Variants in IDO2 observed in about 807,000 individuals in gnomAD.
IDO2 encodes the protein indoleamine 2,3-dioxygenase 2, also known as indoleamine 2,3-dioxygenase-like 1 protein.
IDO2 carries 46 observed loss-of-function variants against 45.1 expected under a neutral mutation model. That is an observed-to-expected ratio of 1.02 (90% CI 0.80 to 1.30). The LOEUF is 1.30. Among genes scored for constraint, IDO2 ranks in the 50% most tolerant of loss-of-function variants. The pLI, the probability that IDO2 is intolerant of heterozygous loss-of-function variation, is 0.00. For synonymous variants in IDO2, 218 were observed against 184.9 expected (o/e 1.18, Z -1.45); for missense variants, 544 against 491.8 (o/e 1.11, Z -1.00).
At chr8:39,958,231 T>G (rs1807933028) in intron 2 of IDO2, among the ~76,000 whole-genome samples, 1 of 151,972 alleles carries the variant, frequency 6.6e-6, no homozygotes, top group Non-Finnish European at 1.5e-5. Flanking sequence ...AGACGGAGTC[T>G]TGCTCTCTTC....
intron 6 of IDO2, 96 bp from the exon 7 acceptor site, chr8:39,987,775 A>T: frequency 2.9e-6 from 2 of 701,418 alleles, no homozygotes; most frequent in Non-Finnish European, 5.0e-6. Context: ...CAGTGATTCC[A>T]CCCTGCAGTT....
intron 1 of IDO2, among the ~76,000 whole-genome samples, chr8:39,942,205 A>C (rs1373773044): frequency 6.6e-6 from 1 of 152,242 alleles, no homozygotes; most frequent in Non-Finnish European, 1.5e-5. Flanking sequence ...TTTCTCATTA[A>C]TTCATCATGT....
intron 1 of IDO2, 145 bp from the exon 2 acceptor site, chr8:39,949,004 A>G (rs1807777386): frequency 2.0e-6 from 2 of 1,004,282 alleles, no homozygotes. Flanking sequence ...TCTCAGAGAA[A>G]GTCCATGATG....
At chr8:40,010,899 T>C (rs1802300397) in intron 9 of IDO2, among the ~76,000 whole-genome samples, 1 of 152,144 alleles carries the variant, frequency 6.6e-6, no homozygotes, top group African/African-American at 2.4e-5. Context: ...TTGTAAATAG[T>C]CAGGATATAG....
At chr8:39,951,275 A>ATTTTTTTTTTTTT (rs71220803) in intron 2 of IDO2, among the ~76,000 whole-genome samples, 1 of 136,030 alleles carries the variant, frequency 7.4e-6, no homozygotes. Flanking sequence ...GGACCCCAAG[A>ATTTTTTTTTTTTT]TTTTTTTTTT....
At chr8:40,006,263 A>C (rs1406672229) in intron 9 of IDO2, among the ~76,000 whole-genome samples, 1 of 152,238 alleles carries the variant, frequency 6.6e-6, no homozygotes, top group Non-Finnish European at 1.5e-5. Flanking sequence ...CACATTTGGT[A>C]CAGTATTTAA....
At chr8:39,971,007 AC>A (rs935783411) in intron 3 of IDO2, among the ~76,000 whole-genome samples, 1 of 151,224 alleles carries the variant, frequency 6.6e-6, no homozygotes, top group Non-Finnish European at 1.5e-5. Context: ...CTCGTGATCC[AC>A]CCCCCTTGGC....
intron 2 of IDO2, among the ~76,000 whole-genome samples, chr8:39,961,989 C>A (rs1808004973): frequency 6.6e-6 from 1 of 152,132 alleles, no homozygotes; most frequent in African/African-American, 2.4e-5. Context: ...GCTTGCTTAC[C>A]ATATGGTTTA....
chr8:40,012,616 A>T (rs1802324599), intron 9 of IDO2, among the ~76,000 whole-genome samples: 1 of 152,222 alleles, frequency 6.6e-6, no homozygotes, highest in Non-Finnish European at 1.5e-5. Context: ...ACAAACTGTG[A>T]TTGTTCAAGA....
intron 5 of IDO2, chr8:39,985,291 C>T (rs1218889399): frequency 7.1e-6 from 4 of 563,644 alleles, no homozygotes; most frequent in East Asian, 2.9e-5. Flanking sequence ...GTGGAAATGT[C>T]GCTCACCCTT....
At chr8:39,952,927 C>G (rs1229933625) in intron 2 of IDO2, among the ~76,000 whole-genome samples, 1 of 152,090 alleles carries the variant, frequency 6.6e-6, no homozygotes, top group East Asian at 1.9e-4. Flanking sequence ...AGCCACCATG[C>G]CTGGCTAATT....
intron 9 of IDO2, 58 bp downstream of exon 9, chr8:40,005,436 T>C (rs1455803304): frequency 3.5e-6 from 4 of 1,140,088 alleles, no homozygotes; most frequent in Non-Finnish European, 4.9e-6. Context: ...ACTGAATGTA[T>C]AAGGGGACGA....
intron 3 of IDO2, among the ~76,000 whole-genome samples, chr8:39,973,159 G>A (rs1479636861): frequency 6.6e-6 from 1 of 152,134 alleles, no homozygotes; most frequent in Non-Finnish European, 1.5e-5. Flanking sequence ...GCAAGGGGTA[G>A]GAGGGAAAGC....
intron 1 of IDO2, among the ~76,000 whole-genome samples, chr8:39,942,134 A>C (rs1431739210): frequency 6.6e-6 from 1 of 152,152 alleles, no homozygotes; most frequent in Non-Finnish European, 1.5e-5. Context: ...ATGAGAGGAA[A>C]ACAACATGAA....
intron 7 of IDO2, 66 bp downstream of exon 7, chr8:39,988,036 C>A (rs1808450431): frequency 1.1e-6 from 1 of 884,036 alleles, no homozygotes; most frequent in Non-Finnish European, 1.8e-6. Context: ...CCACTCAGTG[C>A]CTTTCCTGCA....
chr8:40,013,764 G>A, intron 10 of IDO2, 51 bp downstream of exon 10: 3 of 1,178,348 alleles, frequency 2.5e-6, no homozygotes, highest in South Asian at 1.8e-5. Flanking sequence ...GAAGAGGAGA[G>A]GTGTTTTTTT....
At chr8:39,989,761 A>C in exon 8 of IDO2, 1 of 1,603,570 alleles carries the variant, frequency 6.2e-7, no homozygotes, top group Non-Finnish European at 8.5e-7. Flanking sequence ...CAGCCCAACC[A>C]GGAGGCCCTG....
intron 3 of IDO2, among the ~76,000 whole-genome samples, chr8:39,968,795 C>T (rs749238072): frequency 3.3e-5 from 5 of 151,426 alleles, no homozygotes; most frequent in Admixed American, 6.6e-5. Flanking sequence ...GGTTGACAGG[C>T]GCAGCAAACC....
At chr8:40,000,411 A>C (rs948461145) in intron 8 of IDO2, among the ~76,000 whole-genome samples, 17 of 146,838 alleles carry the variant, frequency 1.2e-4, no homozygotes, top group African/African-American at 3.7e-4. Context: ...TCCATCTTCA[A>C]AAAAAAAAAA....
Sources: gnomAD v4.1 joint callset for allele counts (sites outside exome capture counted in the v4.1 genomes callset) on GRCh38, gnomAD v4.1.1 for gene constraint, MANE v1.5 for transcripts, NCBI Gene and HGNC (gene_info 2026-07-23, HGNC 2026-07-21) for gene names.